The following CCDC201 variants were observed in gnomAD, a reference collection of about 807,000 sequenced individuals.
The protein encoded by CCDC201 is coiled-coil domain-containing protein 201.
the CCDC201 span, among the ~76,000 whole-genome samples, chr7:45,880,371 G>A: frequency 0.023 from 3,516 of 152,356 alleles, 129 homozygotes; most frequent in African/African-American, 0.079. Context: ...GTAACATGCT[G>A]TGGTTTTCAT....
chr7:45,881,017 A>T, the CCDC201 span, among the ~76,000 whole-genome samples: 1 of 152,326 alleles, frequency 6.6e-6, no homozygotes, highest in African/African-American at 2.4e-5. Context: ...ACCTCACCAA[A>T]GTGATGGACA....
chr7:45,868,476 C>T (rs1297591929), intron 1 of CCDC201, among the ~76,000 whole-genome samples: 3 of 152,056 alleles, frequency 2.0e-5, no homozygotes, highest in South Asian at 2.1e-4. Flanking sequence ...TGAAGGTCAC[C>T]GATGGCCATC....
At chr7:45,863,595 A>G (rs566533438) in intron 2 of CCDC201, among the ~76,000 whole-genome samples, 5 of 152,170 alleles carry the variant, frequency 3.3e-5, no homozygotes, top group Admixed American at 6.5e-5. Flanking sequence ...GGGCAGCTGC[A>G]GCAGGGAATG....
chr7:45,877,764 A>G (rs549186527), upstream of CCDC201, among the ~76,000 whole-genome samples: 3 of 152,126 alleles, frequency 2.0e-5, no homozygotes, highest in African/African-American at 2.4e-5. Flanking sequence ...ACAGAGCCAA[A>G]CCGTGTCATT....
exon 3 of CCDC201, chr7:45,861,262 T>C (rs1786596432): frequency 6.6e-6 from 1 of 152,238 alleles, no homozygotes; most frequent in Non-Finnish European, 1.5e-5. Context: ...GTGTGCAATA[T>C]AGGCAGTTTT....
the CCDC201 span, among the ~76,000 whole-genome samples, chr7:45,882,581 C>A: frequency 6.6e-6 from 1 of 152,272 alleles, no homozygotes; most frequent in African/African-American, 2.4e-5. Flanking sequence ...TTTGTTCTTG[C>A]GGTTCCCACA....
At chr7:45,864,401 C>T (rs912657907) in intron 2 of CCDC201, among the ~76,000 whole-genome samples, 1 of 152,240 alleles carries the variant, frequency 6.6e-6, no homozygotes, top group African/African-American at 2.4e-5. Context: ...ATACCCCAGC[C>T]AGTCCCACCT....
chr7:45,867,058 G>A (rs1306050012), intron 1 of CCDC201, among the ~76,000 whole-genome samples: 1 of 152,194 alleles, frequency 6.6e-6, no homozygotes, highest in Non-Finnish European at 1.5e-5. Flanking sequence ...AATGCCTTAA[G>A]TGAATCATGC....
At chr7:45,873,384 G>GAAA (rs11377263), upstream of CCDC201, among the ~76,000 whole-genome samples, 2 of 144,320 alleles carry the variant, frequency 1.4e-5, no homozygotes, top group Admixed American at 6.9e-5. Flanking sequence ...AAGGCAACTG[G>GAAA]AAAAAAAAAA....
chr7:45,865,131 C>T (rs1786654617), intron 2 of CCDC201, among the ~76,000 whole-genome samples: 1 of 152,140 alleles, frequency 6.6e-6, no homozygotes, highest in Non-Finnish European at 1.5e-5. Context: ...TCTCAGGAAG[C>T]TACTAGAACA....
At chr7:45,872,385 C>T (rs113749044) in intron 1 of CCDC201, among the ~76,000 whole-genome samples, 42 of 152,178 alleles carry the variant, frequency 2.8e-4, no homozygotes, top group African/African-American at 1.0e-3. Flanking sequence ...GGATTGTGAT[C>T]TACTTCTGCA....
At chr7:45,877,679 T>C (rs1208696737), upstream of CCDC201, among the ~76,000 whole-genome samples, 3 of 152,182 alleles carry the variant, frequency 2.0e-5, no homozygotes, top group Admixed American at 1.3e-4. Context: ...ACCACTCCCA[T>C]GATCCAATCA....
At chr7:45,873,649 T>G (rs564364501), upstream of CCDC201, among the ~76,000 whole-genome samples, 1 of 152,176 alleles carries the variant, frequency 6.6e-6, no homozygotes, top group Non-Finnish European at 1.5e-5. Context: ...CAGGTCCACT[T>G]AGGAACCACT....
chr7:45,880,994 T>C, the CCDC201 span, among the ~76,000 whole-genome samples: 1 of 152,126 alleles, frequency 6.6e-6, no homozygotes, highest in East Asian at 1.9e-4. Flanking sequence ...GCCAAACTGG[T>C]ATGGGAATTT....
the CCDC201 span, among the ~76,000 whole-genome samples, chr7:45,880,551 G>A: frequency 6.6e-6 from 1 of 151,822 alleles, no homozygotes; most frequent in Non-Finnish European, 1.5e-5. Flanking sequence ...TGGGCACACT[G>A]TATGCAGGTG....
chr7:45,866,590 A>G (rs943645518), intron 1 of CCDC201, 96 bp from the exon 2 acceptor site: 1 of 152,216 alleles, frequency 6.6e-6, no homozygotes, highest in East Asian at 1.9e-4. Context: ...TTATTTAAGC[A>G]TGATGGCCCC....
In CCDC201 at chr7:45,864,952, T is replaced by C. The variant is rs183965917; in HGVS notation, c.477+1084A>G. On this transcript the variant is annotated intron_variant, in intron 2 of 2. Coordinates refer to ENST00000636578, the Ensembl canonical transcript of CCDC201. Reference sequence around the variant, plus strand: ...TCCAGAGTCAGATGGGCCCAGGGAGTGTCCTGCAGCTGAGCAAGACTACTC... The same window carrying C: ...TCCAGAGTCAGATGGGCCCAGGGAGCGTCCTGCAGCTGAGCAAGACTACTC... Among the ~76,000 whole-genome samples, 9 of 146,358 alleles carry C rather than the reference T, an allele frequency of 6.1e-5. No individual in the cohort carries two copies. The East Asian group carries it at 1.8e-3, about 30-fold the overall frequency.
chr7:45,884,805 C>A, the CCDC201 span, among the ~76,000 whole-genome samples: 1 of 152,246 alleles, frequency 6.6e-6, no homozygotes, highest in Non-Finnish European at 1.5e-5. Context: ...TTGTAAGTAG[C>A]CCGCCCTTGA....
intron 1 of CCDC201, among the ~76,000 whole-genome samples, chr7:45,870,618 C>T (rs1786732983): frequency 6.6e-6 from 1 of 152,060 alleles, no homozygotes; most frequent in African/African-American, 2.4e-5. Flanking sequence ...AAACCCAAAA[C>T]CAAAATGCAT....
Sources: gnomAD v4.1 joint callset for allele counts (sites outside exome capture counted in the v4.1 genomes callset) on GRCh38, gnomAD v4.1.1 for gene constraint, MANE v1.5 for transcripts, NCBI Gene and HGNC (gene_info 2026-07-23, HGNC 2026-07-21) for gene names.